Variants in ZBTB20 observed in about 807,000 individuals in gnomAD.
ZBTB20 encodes the protein zinc finger and BTB domain-containing protein 20.
ZBTB20 carries 9 observed loss-of-function variants against 56.9 expected under a neutral mutation model. The observed-to-expected ratio is 0.16, with a 90% CI of 0.10 to 0.28. The LOEUF (loss-of-function observed/expected upper bound fraction) is 0.28. Among genes scored for constraint, ZBTB20 ranks in the 10% least tolerant of loss-of-function variants. The pLI, the probability that ZBTB20 is intolerant of heterozygous loss-of-function variation, is 1.00. For synonymous variants in ZBTB20, 417 were observed against 420.7 expected (o/e 0.99, Z 0.11); for missense variants, 655 against 1,003.0 (o/e 0.65, Z 4.69).
chr3:114,574,835 T>A (rs2053838174), intron 6 of ZBTB20, among the ~76,000 whole-genome samples: 1 of 152,220 alleles, frequency 6.6e-6, no homozygotes, highest in African/African-American at 2.4e-5. Context: ...TTCAACTGCC[T>A]CATTCAGGGG....
intron 6 of ZBTB20, among the ~76,000 whole-genome samples, chr3:114,631,264 G>C (rs1372965709): frequency 1.3e-5 from 2 of 150,044 alleles, no homozygotes; most frequent in African/African-American, 4.9e-5. Flanking sequence ...GGTAAAAATT[G>C]CCTCGATTAT....
At chr3:114,478,896 C>A (rs1355405816) in intron 7 of ZBTB20, among the ~76,000 whole-genome samples, 1 of 152,172 alleles carries the variant, frequency 6.6e-6, no homozygotes, top group Non-Finnish European at 1.5e-5. Context: ...TAGACCAAGG[C>A]AGTCAAGAAA....
intron 5 of ZBTB20, among the ~76,000 whole-genome samples, chr3:114,766,350 C>T (rs1281311570): frequency 6.6e-6 from 1 of 150,610 alleles, no homozygotes; most frequent in Non-Finnish European, 1.5e-5. Context: ...GTAACATTCC[C>T]ATATTTAAAC....
intron 6 of ZBTB20, among the ~76,000 whole-genome samples, chr3:114,675,747 T>C (rs1008095014): frequency 6.6e-6 from 1 of 152,142 alleles, no homozygotes; most frequent in Non-Finnish European, 1.5e-5. Flanking sequence ...AACTGCACTT[T>C]AGTGTTCTAA....
rs566517556 is a variant in ZBTB20, at chr3:115,021,109, T to C, written c.-506-46693A>G. On this transcript the variant is annotated intron_variant, in intron 2 of 11. Coordinates refer to ENST00000675478, the MANE Select transcript of ZBTB20 (RefSeq NM_001348800.3). ...AATGGACAAGTTTCATCTAGTCTAA[T>C]TTTATGTATTACTTGAGTCTTTCCT... Among the ~76,000 whole-genome samples, 10 of 151,158 alleles carry C rather than the reference T, an allele frequency of 6.6e-5. No individual in the cohort carries two copies. The South Asian group carries it at 1.0e-3, about 16-fold the overall frequency.
chr3:114,835,548 A>T (rs1057373323), intron 4 of ZBTB20, among the ~76,000 whole-genome samples: 1 of 152,206 alleles, frequency 6.6e-6, no homozygotes, highest in Admixed American at 6.5e-5. Context: ...GAACTATACA[A>T]TACAATTTAA....
chr3:114,713,891 C>T (rs1370112759), intron 5 of ZBTB20: 2 of 152,464 alleles, frequency 1.3e-5, no homozygotes, highest in Non-Finnish European at 2.9e-5. Flanking sequence ...TCAACAGTTA[C>T]CTACATTTGT....
At chr3:114,532,472 A>T (rs2047960085) in intron 6 of ZBTB20, among the ~76,000 whole-genome samples, 1 of 152,208 alleles carries the variant, frequency 6.6e-6, no homozygotes, top group Admixed American at 6.5e-5. Context: ...CTCTGAAAGA[A>T]AGTTAGCAGC....
chr3:114,959,963 T>C (rs1000683407), intron 3 of ZBTB20, among the ~76,000 whole-genome samples: 2 of 152,308 alleles, frequency 1.3e-5, no homozygotes, highest in African/African-American at 4.8e-5. Flanking sequence ...TACTGAAAGA[T>C]TGGCAATGTG....
At chr3:114,616,060 T>C (rs1413699220) in intron 6 of ZBTB20, among the ~76,000 whole-genome samples, 1 of 152,242 alleles carries the variant, frequency 6.6e-6, no homozygotes, top group Non-Finnish European at 1.5e-5. Context: ...TGTTATTCAC[T>C]GGATAACACA....
Position 114,633,098 on chromosome 3 carries a change from G to T in ZBTB20, c.-295+60430C>A, listed in dbSNP as rs117474692. 1.7e-4 allele frequency among the ~76,000 whole-genome samples: 26 copies of T among 152,296 alleles called. No homozygotes were observed. The East Asian group carries it at 4.8e-3, about 28-fold the overall frequency. On this transcript the variant is annotated intron_variant, in intron 6 of 11. Coordinates refer to ENST00000675478, the MANE Select transcript of ZBTB20 (RefSeq NM_001348800.3). ...TTCTAAGGATCTACTTTCAAGATTT[G>T]TAAAAAGAAGTATATTTGTTCTCAC...
At chr3:114,806,090 A>AT (rs199779646) in intron 4 of ZBTB20, among the ~76,000 whole-genome samples, 1 of 151,558 alleles carries the variant, frequency 6.6e-6, no homozygotes, top group African/African-American at 2.4e-5. Flanking sequence ...GTGTGGACAT[A>AT]TTTTTTTTCC....
chr3:114,576,449 T>C (rs933892273), intron 6 of ZBTB20, among the ~76,000 whole-genome samples: 4 of 122,422 alleles, frequency 3.3e-5, no homozygotes, highest in Admixed American at 1.1e-4. Context: ...TTGCAGTGAG[T>C]CGAGATCGCG....
intron 4 of ZBTB20, among the ~76,000 whole-genome samples, chr3:114,846,153 T>C (rs1197541887): frequency 6.6e-6 from 1 of 150,744 alleles, no homozygotes; most frequent in Non-Finnish European, 1.5e-5. Flanking sequence ...ACCTATATAA[T>C]GTGTGTGTCT....
intron 6 of ZBTB20, among the ~76,000 whole-genome samples, chr3:114,559,715 A>G (rs2051759120): frequency 1.3e-5 from 2 of 152,208 alleles, no homozygotes; most frequent in Non-Finnish European, 2.9e-5. Context: ...AGGAACACCT[A>G]TGAAAATCCT....
intron 3 of ZBTB20, among the ~76,000 whole-genome samples, chr3:114,923,330 A>C (rs1177412857): frequency 6.6e-6 from 1 of 152,186 alleles, no homozygotes; most frequent in African/African-American, 2.4e-5. Flanking sequence ...TGTCTTACGA[A>C]GCTACAGTAA....
intron 1 of ZBTB20, among the ~76,000 whole-genome samples, chr3:115,097,588 G>T (rs1576771191): frequency 6.6e-6 from 1 of 152,114 alleles, no homozygotes; most frequent in South Asian, 2.1e-4. Flanking sequence ...GGCAAAGCAT[G>T]AAGTAACTTC....
rs2079419191 is a variant in ZBTB20 at position 114,335,433 on chromosome 3, A to G, written c.*3572T>C. 6.6e-6 allele frequency: 1 copy of G among 152,236 alleles called. No individual in the cohort carries two copies. The highest frequency in any genetic ancestry group is 1.5e-5 in the Non-Finnish European group (1 of 68,038). 9.4% of individuals were successfully genotyped at this position (152,236 alleles called of 1,614,324 possible). ...CAAATGTCTTTCCCTATTTCTAAAG[A>G]TATTTGTGATTGTTTAACTTAAAAG... On this transcript the variant is annotated 3_prime_UTR_variant, in exon 12 of 12. Transcript: ENST00000675478.
At chr3:114,920,289 A>G (rs2075907377) in intron 3 of ZBTB20, among the ~76,000 whole-genome samples, 1 of 152,194 alleles carries the variant, frequency 6.6e-6, no homozygotes, top group Admixed American at 6.5e-5. Context: ...CTACAGACAT[A>G]TATAGAACAT....
Sources: allele counts gnomAD v4.1 joint callset (sites outside exome capture counted in the v4.1 genomes callset), GRCh38; gene constraint gnomAD v4.1.1; transcripts MANE v1.5; gene names NCBI Gene and HGNC (gene_info 2026-07-23, HGNC 2026-07-21).